The following MARCHF1 variants were observed in gnomAD, a reference collection of about 807,000 sequenced individuals.
The protein encoded by MARCHF1 is E3 ubiquitin-protein ligase MARCHF1.
MARCHF1 carries 40 observed loss-of-function variants against 54.2 expected under a neutral mutation model. That is an observed-to-expected ratio of 0.74 (90% CI 0.57 to 0.96). The LOEUF is 0.96. MARCHF1 is among the 40% of genes least tolerant of loss of function. The pLI, the probability that MARCHF1 is intolerant of heterozygous loss-of-function variation, is 0.00. For synonymous variants in MARCHF1, 236 were observed against 236.3 expected (o/e 1.00, Z 0.01); for missense variants, 586 against 656.5 (o/e 0.89, Z 1.17).
At chr4:163,723,393 G>C (rs1163589707) in intron 4 of MARCHF1, among the ~76,000 whole-genome samples, 2 of 152,176 alleles carry the variant, frequency 1.3e-5, no homozygotes, top group Admixed American at 1.3e-4. Context: ...TGAGAGATCA[G>C]CTGTTAGTCT....
At chr4:164,092,700 T>C (rs937947066) in intron 2 of MARCHF1, among the ~76,000 whole-genome samples, 2 of 152,098 alleles carry the variant, frequency 1.3e-5, no homozygotes, top group Non-Finnish European at 2.9e-5. Flanking sequence ...GAGATAAAAA[T>C]ACTGTTTTAA....
intron 3 of MARCHF1, among the ~76,000 whole-genome samples, chr4:163,956,393 G>T (rs1752234070): frequency 6.6e-6 from 1 of 152,106 alleles, no homozygotes; most frequent in Non-Finnish European, 1.5e-5. Flanking sequence ...ACATGCCATT[G>T]TTAAAGTCAC....
At chr4:164,378,243 C>T (rs1316945476) in intron 1 of MARCHF1, among the ~76,000 whole-genome samples, 1 of 152,156 alleles carries the variant, frequency 6.6e-6, no homozygotes, top group African/African-American at 2.4e-5. Flanking sequence ...GAGCAGAGGA[C>T]CACTGATGTG....
intron 8 of MARCHF1, among the ~76,000 whole-genome samples, chr4:163,580,310 C>T (rs986176250): frequency 1.3e-5 from 2 of 152,064 alleles, no homozygotes; most frequent in Non-Finnish European, 2.9e-5. Context: ...GGTCTCCTGA[C>T]CTCGTGATCC....
At chr4:164,174,837 G>A (rs568390598) in intron 1 of MARCHF1, among the ~76,000 whole-genome samples, 7 of 152,226 alleles carry the variant, frequency 4.6e-5, no homozygotes, top group East Asian at 1.9e-4. Context: ...AGATAAAAGA[G>A]TCATGCTTTT....
At chr4:163,773,383 A>T (rs1268729784) in intron 4 of MARCHF1, among the ~76,000 whole-genome samples, 1 of 152,230 alleles carries the variant, frequency 6.6e-6, no homozygotes, top group Non-Finnish European at 1.5e-5. Context: ...TATGAACTAA[A>T]GAGGATCACA....
intron 9 of MARCHF1, among the ~76,000 whole-genome samples, chr4:163,537,772 A>G (rs1436591331): frequency 6.6e-6 from 1 of 152,198 alleles, no homozygotes; most frequent in East Asian, 1.9e-4. Context: ...ATTAACTTTA[A>G]TTGATTCATT....
intron 3 of MARCHF1, among the ~76,000 whole-genome samples, chr4:163,968,246 A>G (rs1012487061): frequency 2.0e-5 from 3 of 150,890 alleles, no homozygotes; most frequent in African/African-American, 7.3e-5. Context: ...ATACTAAAGT[A>G]CCCAGGAGAA....
chr4:163,856,259 T>A (rs1749765239), intron 3 of MARCHF1, among the ~76,000 whole-genome samples: 1 of 152,226 alleles, frequency 6.6e-6, no homozygotes, highest in Non-Finnish European at 1.5e-5. Flanking sequence ...ACTGTCATTA[T>A]CTTATTTTAG....
At chr4:163,731,846 T>A (rs1390744855) in intron 4 of MARCHF1, among the ~76,000 whole-genome samples, 1 of 152,186 alleles carries the variant, frequency 6.6e-6, no homozygotes, top group Non-Finnish European at 1.5e-5. Context: ...TTTTTCCTAG[T>A]AATGGAGTCA....
chr4:164,258,523 T>A (rs947480192), intron 1 of MARCHF1, among the ~76,000 whole-genome samples: 1 of 151,998 alleles, frequency 6.6e-6, no homozygotes, highest in Non-Finnish European at 1.5e-5. Flanking sequence ...ATTTTCTATC[T>A]TATGGTTTGT....
intron 7 of MARCHF1, among the ~76,000 whole-genome samples, chr4:163,606,422 T>C (rs1460561738): frequency 1.3e-5 from 2 of 152,006 alleles, no homozygotes; most frequent in Non-Finnish European, 2.9e-5. Context: ...ACTTATTCTG[T>C]AGGGAAAAGA....
chr4:164,176,970 CTCTCTCTCTCTAT>C lies in MARCHF1; in HGVS notation c.-322-65321_-322-65309del, dbSNP rs1730693956. ...TCTCTCTCTCTCTCTCTCTCTCTCT[CTCTCTCTCTCTAT>C]ATATATATATATATATATATATATA... On this transcript the variant is annotated intron_variant, in intron 1 of 9. Transcript: ENST00000514618. Among the ~76,000 whole-genome samples, 2 of 57,442 alleles carry C rather than the reference CTCTCTCTCTCTAT, an allele frequency of 3.5e-5. 1 individual carries two copies. The highest frequency in any genetic ancestry group is 6.2e-5 in the Non-Finnish European group (2 of 32,208). The allele number at this position is 57,442 out of a possible 152,430, so 37.7% of individuals were successfully genotyped here.
At chr4:163,818,897 CCTT>C (rs1748616177) in intron 4 of MARCHF1, among the ~76,000 whole-genome samples, 2 of 152,076 alleles carry the variant, frequency 1.3e-5, no homozygotes, top group South Asian at 4.1e-4. Flanking sequence ...ACATTTACCA[CCTT>C]CTCATTGTTA....
At chr4:163,605,954 T>C (rs1197697923) in intron 7 of MARCHF1, among the ~76,000 whole-genome samples, 1 of 152,052 alleles carries the variant, frequency 6.6e-6, no homozygotes, top group African/African-American at 2.4e-5. Context: ...ATACCTAATG[T>C]AGATGATAGG....
chr4:163,942,077 A>T (rs1475258643), intron 3 of MARCHF1, among the ~76,000 whole-genome samples: 2 of 152,208 alleles, frequency 1.3e-5, no homozygotes, highest in African/African-American at 4.8e-5. Context: ...ATTTGGTTTC[A>T]TGAACAATAA....
chr4:163,897,651 A>G (rs1323343416), intron 3 of MARCHF1, among the ~76,000 whole-genome samples: 1 of 152,184 alleles, frequency 6.6e-6, no homozygotes, highest in Non-Finnish European at 1.5e-5. Context: ...AGGTGCTGGG[A>G]AAAGTGGCTA....
intron 1 of MARCHF1, among the ~76,000 whole-genome samples, chr4:164,363,546 A>C (rs2110932511): frequency 6.6e-6 from 1 of 152,190 alleles, no homozygotes; most frequent in South Asian, 2.1e-4. Context: ...CATCCACAGG[A>C]CCCTACGAGT....
chr4:164,367,503 T>C (rs1730908869), intron 1 of MARCHF1, among the ~76,000 whole-genome samples: 1 of 152,024 alleles, frequency 6.6e-6, no homozygotes, highest in Non-Finnish European at 1.5e-5. Context: ...GTTAAAAAGT[T>C]ATTCCTAGAA....
Sources: gnomAD v4.1 joint callset for allele counts (sites outside exome capture counted in the v4.1 genomes callset) on GRCh38, gnomAD v4.1.1 for gene constraint, MANE v1.5 for transcripts, NCBI Gene and HGNC (gene_info 2026-07-23, HGNC 2026-07-21) for gene names.